The following CIAPIN1 variants were observed in gnomAD, a reference collection of about 807,000 sequenced individuals.
CIAPIN1 encodes cytokine induced apoptosis inhibitor 1.
Under a neutral mutation model 34.3 loss-of-function variants are expected in CIAPIN1, and 18 were observed. The ratio of observed to expected loss-of-function variants is 0.52; its 90% CI spans 0.36 to 0.78. The LOEUF (loss-of-function observed/expected upper bound fraction) is 0.78. CIAPIN1 is among the 30% of genes least tolerant of loss of function. The pLI, the probability that CIAPIN1 is intolerant of heterozygous loss-of-function variation, is 0.00. For missense variants in CIAPIN1, 310 were observed against 372.5 expected, an observed-to-expected ratio of 0.83 and a Z score of 1.38; for synonymous variants, 131 against 140.4, an observed-to-expected ratio of 0.93 and a Z score of 0.47.
intron 1 of CIAPIN1, among the ~76,000 whole-genome samples, chr16:57,442,462 A>G (rs2029889311): frequency 1.3e-5 from 2 of 152,104 alleles, no homozygotes; most frequent in South Asian, 4.1e-4. Context: ...GGAGTTCAAG[A>G]CCAGCCTGGG....
At chr16:57,429,536 G>A (rs1903032868) in intron 8 of CIAPIN1, among the ~76,000 whole-genome samples, 1 of 151,952 alleles carries the variant, frequency 6.6e-6, no homozygotes, top group Non-Finnish European at 1.5e-5. Flanking sequence ...CTGTCACCCA[G>A]GCTGGAGTGC....
chr16:57,437,178 G>A (rs1339821898), intron 3 of CIAPIN1, among the ~76,000 whole-genome samples: 3 of 151,970 alleles, frequency 2.0e-5, no homozygotes, highest in Non-Finnish European at 4.4e-5. Context: ...TGTACAGATG[G>A]TCCTTGACTT....
rs1903187323 is a variant in CIAPIN1 at position 57,435,832 on chromosome 16, C to T, written c.387+824G>A. ...AAATTAAAAAACAAAGAATTTAAGG[C>T]CCTACATTATGTAAGAAATAACAGG... is the stretch of plus-strand genomic sequence containing the variant. On this transcript the variant is annotated intron_variant, in intron 4 of 8. Transcript: ENST00000394391. 2.0e-5 allele frequency among the ~76,000 whole-genome samples: 3 copies of T among 151,984 alleles called. No individual in the cohort carries two copies. The South Asian group carries it at 6.2e-4, about 32-fold the overall frequency.
intron 7 of CIAPIN1, 153 bp from the exon 8 acceptor site, chr16:57,430,492 G>A: frequency 1.5e-6 from 1 of 652,434 alleles, no homozygotes; most frequent in Non-Finnish European, 2.7e-6. Context: ...CAATATGAGA[G>A]GCTGCTGAGG....
rs149539447 is a variant in CIAPIN1, at chr16:57,428,339, G to A, written c.*831C>T. 47 of 152,238 alleles carry A rather than the reference G, an allele frequency of 3.1e-4. No homozygotes were observed. Among genetic ancestry groups the A allele is most frequent in the African/African-American group, 6.7e-4 (28 of 41,524 alleles). 9.4% of individuals were successfully genotyped at this position (152,238 alleles called of 1,614,324 possible). On this transcript the variant is annotated 3_prime_UTR_variant, in exon 9 of 9. Transcript: ENST00000394391. The stretch of plus-strand genomic sequence containing the variant: ...TCTCTGCTCAGAGAGACGTATTGTC[G>A]TTCAGAGTTCTGCCCTGCTTCCCTC...
chr16:57,439,498 G>T (rs1461368673), intron 2 of CIAPIN1, among the ~76,000 whole-genome samples, 164 bp from the exon 3 acceptor site: 2 of 152,134 alleles, frequency 1.3e-5, no homozygotes, highest in Non-Finnish European at 2.9e-5. Flanking sequence ...AAAAAACATG[G>T]AATAGCTACC....
chr16:57,431,458 C>G (rs1440628374), intron 6 of CIAPIN1, 192 bp from the exon 7 acceptor site: 1 of 473,592 alleles, frequency 2.1e-6, no homozygotes, highest in African/African-American at 1.9e-5. Context: ...AAACTACATC[C>G]ACAGAAGATG....
chr16:57,428,823 T>C lies in CIAPIN1; in HGVS notation c.*347A>G. On this transcript the variant is annotated 3_prime_UTR_variant, in exon 9 of 9. Transcript: ENST00000394391. ...GACTCAAGGCAGGGGTCTGCAGCTC[T>C]GTCACAGAGTGTTAATGCTCAACGA... 1 of 180,184 alleles carries C rather than the reference T, an allele frequency of 5.5e-6. No individual in the cohort carries two copies. 11.2% of individuals were successfully genotyped at this position (180,184 alleles called of 1,614,324 possible).
intron 3 of CIAPIN1, among the ~76,000 whole-genome samples, chr16:57,438,851 T>A (rs1424156368): frequency 6.6e-6 from 1 of 152,252 alleles, no homozygotes; most frequent in African/African-American, 2.4e-5. Context: ...TCCCTTGATA[T>A]CCATCCAAGC....
chr16:57,432,626 C>A (rs757839076), intron 5 of CIAPIN1, 66 bp from the exon 6 acceptor site: 32 of 1,413,712 alleles, frequency 2.3e-5, no homozygotes, highest in Non-Finnish European at 3.1e-5. Context: ...TACAAACATA[C>A]ATAAATGCTT....
intron 1 of CIAPIN1, among the ~76,000 whole-genome samples, chr16:57,446,182 G>A (rs555178403): frequency 6.6e-6 from 1 of 152,206 alleles, no homozygotes. Context: ...AAACAGGAAC[G>A]TCTCCAGGCA....
intron 1 of CIAPIN1, among the ~76,000 whole-genome samples, chr16:57,447,057 G>A (rs2030108655): frequency 6.6e-6 from 1 of 152,198 alleles, no homozygotes; most frequent in African/African-American, 2.4e-5. Context: ...TCCTCAGCGT[G>A]GTGTCCCCGG....
At position 57,434,128 on chromosome 16, in the gene CIAPIN1, GAACA is replaced by G; in HGVS notation, c.468_471del (p.Val157ArgfsTer29). On this transcript the variant is annotated frameshift_variant, in exon 5 of 9. Coordinates refer to ENST00000394391, the MANE Select transcript of CIAPIN1 (RefSeq NM_020313.4). LOFTEE classifies it high-confidence loss of function. ...AAGTTTGGTTTTTTGCCTGTGATCT[GAACA>G]AACAGCAGGTTGTCACTTTCATGAC... The G allele has an allele frequency of 6.2e-7, 1 of 1,614,094 alleles. No homozygotes were observed. The highest frequency in any genetic ancestry group is 1.1e-5 in the South Asian group (1 of 91,044).
chr16:57,447,374 AGCCGTCGACTCCACGCCTTGCGCCTCTC>A, exon 1 of CIAPIN1: 3 of 873,012 alleles, frequency 3.4e-6, no homozygotes, highest in Non-Finnish European at 4.6e-6. Flanking sequence ...GCTTCTCTCC[AGCCGTCGACTCCACGCCTTGCGCCTCTC>A]GCGAGAGGAG....
chr16:57,431,003 T>G, intron 7 of CIAPIN1, 148 bp downstream of exon 7: 1 of 519,478 alleles, frequency 1.9e-6, no homozygotes, highest in Non-Finnish European at 3.4e-6. Context: ...TGGCTAATTT[T>G]TTTTTTTTTT....
intron 1 of CIAPIN1, among the ~76,000 whole-genome samples, chr16:57,445,356 G>C (rs553370713): frequency 6.6e-6 from 1 of 151,848 alleles, no homozygotes; most frequent in Non-Finnish European, 1.5e-5. Flanking sequence ...AAAATACAAA[G>C]ATTAGCTGGG....
intron 5 of CIAPIN1, among the ~76,000 whole-genome samples, 171 bp from the exon 6 acceptor site, chr16:57,432,731 A>G (rs1199641437): frequency 2.0e-5 from 3 of 152,248 alleles, no homozygotes; most frequent in African/African-American, 7.2e-5. Context: ...CCTTGGGCCA[A>G]CCACTTGCTG....
At chr16:57,439,973 C>T (rs539935755) in intron 2 of CIAPIN1, among the ~76,000 whole-genome samples, 2 of 152,260 alleles carry the variant, frequency 1.3e-5, no homozygotes, top group Non-Finnish European at 2.9e-5. Context: ...TCAGGTCTGA[C>T]TGCCTGAGAG....
rs1903227192 is a variant in CIAPIN1, at chr16:57,437,364, AAGCGTGTT to A, written c.311-640_311-633del. Among the ~76,000 whole-genome samples the A allele has an allele frequency of 2.0e-5, 3 of 152,138 alleles. No individual in the cohort carries two copies. In the South Asian group the frequency reaches 6.2e-4, roughly 32 times the overall value. ...AACTGTAGGCTAACGCAAGTGTCCT[AAGCGTGTT>A]TAAGGTAGGCTAGGCTAACCTAAGC... On this transcript the variant is annotated intron_variant, in intron 3 of 8. Transcript: ENST00000394391.
Sources: allele counts gnomAD v4.1 joint callset (sites outside exome capture counted in the v4.1 genomes callset), GRCh38; gene constraint gnomAD v4.1.1; transcripts MANE v1.5; gene names NCBI Gene and HGNC (gene_info 2026-07-23, HGNC 2026-07-21).